The following KCNN2 variants were observed in gnomAD, a reference collection of about 807,000 sequenced individuals.
The protein encoded by KCNN2 is small conductance calcium-activated potassium channel protein 2.
KCNN2 carries 24 observed loss-of-function variants against 55.5 expected under a neutral mutation model. The observed-to-expected ratio is 0.43, with a 90% CI of 0.31 to 0.61. KCNN2 has a LOEUF of 0.61. KCNN2 is among the 20% of genes least tolerant of loss of function. The pLI is 0.08. For synonymous variants in KCNN2, 431 were observed against 336.1 expected (o/e 1.28, Z -3.09); for missense variants, 754 against 853.6 (o/e 0.88, Z 1.45).
At chr5:114,082,590 A>G (rs1750849869) in intron 1 of KCNN2, among the ~76,000 whole-genome samples, 1 of 152,208 alleles carries the variant, frequency 6.6e-6, no homozygotes, top group Non-Finnish European at 1.5e-5. Flanking sequence ...ACTTCTGGAT[A>G]TACGTCCAAA....
intron 3 of KCNN2, among the ~76,000 whole-genome samples, chr5:114,432,100 G>A (rs1759813035): frequency 6.6e-6 from 1 of 152,210 alleles, no homozygotes; most frequent in Non-Finnish European, 1.5e-5. Flanking sequence ...ATTGATGGTG[G>A]TCCTCAATTC....
At chr5:114,063,490 G>C (rs545686941) in intron 1 of KCNN2, among the ~76,000 whole-genome samples, 2 of 152,244 alleles carry the variant, frequency 1.3e-5, no homozygotes, top group South Asian at 4.1e-4. Context: ...TCAGTGTCTA[G>C]AGAACCACCC....
chr5:114,212,391 G>A (rs779060560), intron 1 of KCNN2, among the ~76,000 whole-genome samples: 4 of 151,964 alleles, frequency 2.6e-5, no homozygotes, highest in Non-Finnish European at 5.9e-5. Flanking sequence ...GGGTTGGGTG[G>A]AAATGTGTAG....
chr5:114,389,487 T>G (rs1334830958), intron 2 of KCNN2, among the ~76,000 whole-genome samples: 1 of 152,148 alleles, frequency 6.6e-6, no homozygotes. Flanking sequence ...AAGATGGAGA[T>G]AATTGTAGTA....
intron 1 of KCNN2, among the ~76,000 whole-genome samples, chr5:114,137,394 G>A (rs547798693): frequency 3.9e-5 from 6 of 152,158 alleles, no homozygotes; most frequent in South Asian, 2.1e-4. Context: ...CCTTCCCTGC[G>A]TATATACTTA....
chr5:114,143,413 G>A (rs755423342), intron 1 of KCNN2, among the ~76,000 whole-genome samples: 18 of 152,240 alleles, frequency 1.2e-4, no homozygotes, highest in African/African-American at 2.2e-4. Flanking sequence ...TAGAAACAAC[G>A]TGATGCTAGA....
At chr5:114,159,600 C>G (rs897003037) in intron 1 of KCNN2, among the ~76,000 whole-genome samples, 6 of 152,140 alleles carry the variant, frequency 3.9e-5, no homozygotes, top group Non-Finnish European at 7.3e-5. Flanking sequence ...CCTTGTACCT[C>G]TGGTAGAATT....
At chr5:114,278,430 T>C (rs188950744) in intron 2 of KCNN2, among the ~76,000 whole-genome samples, 50 of 152,346 alleles carry the variant, frequency 3.3e-4, no homozygotes, top group Middle Eastern at 3.4e-3. Context: ...CTGCTGTCTT[T>C]TGTTCAGATA....
intron 2 of KCNN2, among the ~76,000 whole-genome samples, chr5:114,312,420 CACACACACACACACATATATATAT>C (rs1273240344): frequency 0.013 from 857 of 67,366 alleles, 2 homozygotes; most frequent in African/African-American, 0.014. Context: ...CACACACACA[CACACACACACACACATATATATAT>C]ATATATATAT....
chr5:114,115,689 G>GA (rs942562893), intron 1 of KCNN2, among the ~76,000 whole-genome samples: 25 of 150,260 alleles, frequency 1.7e-4, no homozygotes, highest in South Asian at 8.4e-4. Context: ...CCCACTGAGG[G>GA]AAAAAAAAAG....
intron 2 of KCNN2, among the ~76,000 whole-genome samples, chr5:114,282,957 A>T (rs1755652278): frequency 6.6e-6 from 1 of 152,122 alleles, no homozygotes. Context: ...TACTCCTATG[A>T]ATTTAATCTG....
At chr5:114,291,887 C>G (rs561306251) in intron 2 of KCNN2, among the ~76,000 whole-genome samples, 20 of 152,132 alleles carry the variant, frequency 1.3e-4, no homozygotes, top group Admixed American at 5.2e-4. Flanking sequence ...GCCATTCTAA[C>G]TGGTGTGAGA....
chr5:114,208,461 G>A (rs17136382), intron 1 of KCNN2, among the ~76,000 whole-genome samples: 4,481 of 152,228 alleles, frequency 0.029, 222 homozygotes, highest in African/African-American at 0.1. Flanking sequence ...AAGGGGATGA[G>A]GGTGGTGCCC....
At chr5:114,102,220 A>G (rs181045926) in intron 1 of KCNN2, among the ~76,000 whole-genome samples, 130 of 151,934 alleles carry the variant, frequency 8.6e-4, no homozygotes, top group Non-Finnish European at 1.5e-3. Flanking sequence ...TGTTGGCCAC[A>G]TAAATGTCTT....
In KCNN2 at chr5:114,259,408, T is replaced by C. The variant is rs1027659976; in HGVS notation, c.-185+37843T>C. ...AAAGGGCTGAGCAGGACAGAGGACT[T>C]TGATGGCTGTGCCTCAGTAGGGTGC... On this transcript the variant is annotated intron_variant, in intron 2 of 10. Transcript: ENST00000512097. Among the ~76,000 whole-genome samples, 5 of 152,142 alleles carry C rather than the reference T, an allele frequency of 3.3e-5. No homozygotes were observed. In the East Asian group the frequency reaches 5.8e-4, roughly 18 times the overall value.
intron 2 of KCNN2, among the ~76,000 whole-genome samples, chr5:114,313,998 T>C (rs1370675675): frequency 1.3e-5 from 2 of 152,134 alleles, no homozygotes; most frequent in African/African-American, 4.8e-5. Flanking sequence ...GATGAACGTT[T>C]CTTTTTCGGT....
intron 1 of KCNN2, among the ~76,000 whole-genome samples, chr5:114,219,431 C>A (rs6892162): frequency 0.82 from 124,116 of 152,064 alleles, 50,785 homozygotes; most frequent in East Asian, 0.9. Flanking sequence ...AGTGGCTCTC[C>A]GCAGGAAGGG....
chr5:114,319,996 G>A (rs1756583044), intron 2 of KCNN2, among the ~76,000 whole-genome samples: 1 of 152,154 alleles, frequency 6.6e-6, no homozygotes, highest in African/African-American at 2.4e-5. Flanking sequence ...TCACTTCCTT[G>A]AAGCTCATGG....
intron 4 of KCNN2, among the ~76,000 whole-genome samples, chr5:114,466,722 C>T (rs746838087): frequency 2.8e-4 from 43 of 151,834 alleles, no homozygotes; most frequent in Non-Finnish European, 5.3e-4. Flanking sequence ...CTTTAAATAT[C>T]GAGTAATATC....
Sources: allele counts gnomAD v4.1 joint callset (sites outside exome capture counted in the v4.1 genomes callset), GRCh38; gene constraint gnomAD v4.1.1; transcripts MANE v1.5; gene names NCBI Gene and HGNC (gene_info 2026-07-23, HGNC 2026-07-21).